TUT4: variants seen among roughly 807,000 people sequenced by gnomAD.
TUT4 encodes the protein terminal uridylyltransferase 4.
Under a neutral mutation model 192.2 loss-of-function variants are expected in TUT4, and 36 were observed. The observed-to-expected ratio is 0.19, with a 90% confidence interval of 0.14 to 0.25. The LOEUF (loss-of-function observed/expected upper bound fraction) is 0.25. TUT4 is among the 10% of genes least tolerant of loss of function. TUT4 has a pLI of 1.00. For missense variants in TUT4, 1,493 were observed against 1,957.2 expected, an observed-to-expected ratio of 0.76 and a Z score of 4.47; for synonymous variants, 618 against 666.0, an observed-to-expected ratio of 0.93 and a Z score of 1.11.
At position 52,458,402 on chromosome 1, in the gene TUT4, T is replaced by C. The variant is rs144466926; in HGVS notation, c.3369A>G (p.Ala1123=). The C allele has an allele frequency of 2.3e-4, 378 of 1,613,828 alleles. No individual in the cohort carries two copies. The highest frequency in any genetic ancestry group is 2.8e-4 in the Non-Finnish European group (335 of 1,179,942). Residue 1123 remains alanine (A), a synonymous_variant, in exon 20 of 30, where the codon GCA becomes GCG. Coordinates refer to ENST00000257177, the MANE Select transcript of TUT4 (RefSeq NM_001009881.3). ...GAAAGTACAGCACCATAAGGATATA[T>C]GCATATGAAGATAAACTTCCCCTGG... ...DASRGSLSSY[A]YILMVLYFLQ...
In TUT4 at chr1:52,475,346, G is replaced by A. The variant is rs749101927; in HGVS notation, c.2213C>T (p.Ser738Leu). Reference protein sequence around the residue: ...GKISNKKPVKSNNMATNGCIL... With the variant: ...GKISNKKPVKLNNMATNGCIL... ...ACAACCATTGGTTGCCATATTGTTC[G>A]ACTTGACTGGTTTCTTATTGCTTAT... Residue 738 changes from serine to leucine, a missense_variant, in exon 13 of 30, where the codon TCG (serine) becomes TTG (leucine). By Grantham distance (145) the Ser-to-Leu change is moderately radical. Around this residue, in one of 7 missense-constraint regions of TUT4, gnomAD observed 245 missense variants for 218.4 expected, o/e 1.12. Coordinates refer to ENST00000257177, the MANE Select transcript of TUT4 (RefSeq NM_001009881.3). 15 of 1,613,890 alleles carry A rather than the reference G, an allele frequency of 9.3e-6. No individual in the cohort carries two copies. The highest frequency in any genetic ancestry group is 1.6e-4 in the Middle Eastern group (1 of 6,084).
chr1:52,475,525 T>C lies in TUT4; in HGVS notation c.2034A>G (p.Ser678=), dbSNP rs1169346129. The C allele has an allele frequency of 6.2e-7, 1 of 1,609,714 alleles. No homozygotes were observed. The highest frequency in any genetic ancestry group is 8.5e-7 in the Non-Finnish European group (1 of 1,177,876). ...KRRIAIEDPF[S]VKRNVARSLN... is the part of the protein sequence containing the mutation. ...AGCTCCGTGCAACATTCCTCTTGAC[T>C]GAAAATGGATCTAGCAAAAGAGAAA... The change falls in exon 13 of 30, where the codon TCA becomes TCG. Residue 678 remains serine (S), a synonymous_variant. Transcript: ENST00000257177.
chr1:52,441,445 T>TC (rs200979478), intron 24 of TUT4, among the ~76,000 whole-genome samples: 10,066 of 103,000 alleles, frequency 0.098, 1,291 homozygotes, highest in African/African-American at 0.4. Flanking sequence ...CTCGGCTAAA[T>TC]TTTTTTTTTT....
Position 52,435,416 on chromosome 1 carries a change from T to G in TUT4, c.4212A>C (p.Ser1404=), listed in dbSNP as rs1653434009. The G allele has an allele frequency of 6.2e-7, 1 of 1,614,066 alleles. No individual in the cohort carries two copies. Among genetic ancestry groups the G allele is most frequent in the African/African-American group, 1.3e-5 (1 of 74,928 alleles). ...NLVNAQQVAG[S]AQQQGDQSIR... ...TGGACTGATCACCCTGTTGCTGAGC[T>G]GAACCAGCCACCTGTTGAGCATTTA... is the stretch of plus-strand genomic sequence containing the variant. Residue 1404 remains serine, a synonymous_variant, in exon 27 of 30, where the codon TCA becomes TCC. Transcript: ENST00000257177.
intron 20 of TUT4, among the ~76,000 whole-genome samples, chr1:52,449,055 C>T (rs1406811212): frequency 6.6e-6 from 1 of 151,664 alleles, no homozygotes; most frequent in Non-Finnish European, 1.5e-5. Context: ...AGCACTAATG[C>T]TATACACTTT....
At chr1:52,497,239 T>C in intron 4 of TUT4, 56 bp from the exon 5 acceptor site, 1 of 1,467,836 alleles carries the variant, frequency 6.8e-7, no homozygotes, top group African/African-American at 1.4e-5. Context: ...ATTTTAATTG[T>C]TCTTATATTT....
Position 52,462,083 on chromosome 1 carries a change from T to C in TUT4, c.3070-314A>G, listed in dbSNP as rs80196070. The C allele has an allele frequency of 4.5e-3, 957 of 211,046 alleles. 6 individuals carry two copies. The East Asian group carries it at 0.05, about 11-fold the overall frequency. The allele number at this position is 211,046 out of a possible 1,614,324, so 13.1% of individuals were successfully genotyped here. ...GGAGAAGAATATGGTTTTCAATAAG[T>C]GAATAAACAACTAGAGGTGAGTTTG... On this transcript the variant is annotated intron_variant, in intron 16 of 29. Coordinates refer to ENST00000257177, the MANE Select transcript of TUT4 (RefSeq NM_001009881.3).
chr1:52,475,555 T>C lies in TUT4; in HGVS notation c.2024-20A>G, dbSNP rs1666858269. The C allele has an allele frequency of 5.1e-6, 8 of 1,575,798 alleles. No homozygotes were observed. Among genetic ancestry groups the C allele is most frequent in the South Asian group, 1.1e-5 (1 of 87,702 alleles). On this transcript the variant is annotated intron_variant, in intron 12 of 29. Transcript: ENST00000257177. The stretch of plus-strand genomic sequence containing the variant: ...ATGGATCTAGCAAAAGAGAAAATGG[T>C]AAATAGCTAAGTCTCTACTAACAAA...
At chr1:52,427,034 A>AGATAATAATACTATATAACAGGAACATG in intron 28 of TUT4, among the ~76,000 whole-genome samples, 1 of 152,310 alleles carries the variant, frequency 6.6e-6, no homozygotes, top group South Asian at 2.1e-4. Context: ...ATAGCTTATT[A>AGATAATAATACTATATAACAGGAACATG]GATAATAATA....
intron 16 of TUT4, among the ~76,000 whole-genome samples, chr1:52,464,259 T>A (rs11205961): frequency 0.09 from 13,679 of 152,144 alleles, 765 homozygotes; most frequent in East Asian, 0.21. Flanking sequence ...TTATTTATTT[T>A]TTTTTTAATT....
At chr1:52,515,435 A>G (rs1241603990) in intron 3 of TUT4, 2 of 179,926 alleles carry the variant, frequency 1.1e-5, no homozygotes, top group Non-Finnish European at 2.3e-5. Flanking sequence ...TTTGGTAGAC[A>G]TTTTATGCTT....
chr1:52,495,582 G>T (rs768369268), intron 5 of TUT4, 67 bp from the exon 6 acceptor site: 5 of 1,247,064 alleles, frequency 4.0e-6, no homozygotes, highest in South Asian at 1.3e-5. Context: ...AAAAAACAGC[G>T]ACGGGAAAAT....
chr1:52,547,940 C>T (rs1205756462), intron 1 of TUT4, among the ~76,000 whole-genome samples: 1 of 152,070 alleles, frequency 6.6e-6, no homozygotes, highest in Non-Finnish European at 1.5e-5. Flanking sequence ...GTTACACAAC[C>T]TTATAAATAT....
chr1:52,540,785 CT>C (rs1485801607), intron 1 of TUT4, among the ~76,000 whole-genome samples: 4 of 152,138 alleles, frequency 2.6e-5, no homozygotes, highest in Non-Finnish European at 4.4e-5. Flanking sequence ...AATTCTCAAA[CT>C]TTTTGGTCTC....
At chr1:52,543,455 T>A (rs1687238158) in intron 1 of TUT4, among the ~76,000 whole-genome samples, 1 of 151,500 alleles carries the variant, frequency 6.6e-6, no homozygotes, top group Non-Finnish European at 1.5e-5. Context: ...CAGAAACACA[T>A]TCTATGTCCA....
At chr1:52,442,079 G>C (rs1465062162) in intron 24 of TUT4, among the ~76,000 whole-genome samples, 1 of 147,628 alleles carries the variant, frequency 6.8e-6, no homozygotes, top group African/African-American at 2.6e-5. Context: ...AAGGCAGGAC[G>C]ATCACTTGAA....
At chr1:52,543,363 G>T (rs1687221750) in intron 1 of TUT4, among the ~76,000 whole-genome samples, 1 of 151,536 alleles carries the variant, frequency 6.6e-6, no homozygotes, top group African/African-American at 2.4e-5. Context: ...AAAGTACTAA[G>T]GAATTACATA....
chr1:52,469,840 G>A (rs1665211873), intron 14 of TUT4, among the ~76,000 whole-genome samples: 1 of 146,920 alleles, frequency 6.8e-6, no homozygotes, highest in South Asian at 2.2e-4. Context: ...GCAGTGAGCT[G>A]AGATGGCGCC....
chr1:52,490,725 T>C lies in TUT4; in HGVS notation c.1388+7A>G, dbSNP rs2149081265. ...TTTTTAAATATTTTATCTTCATTGTTACCAACCTTTTTCGATCTCTGCACA... is the reference window on the plus strand; with the variant it reads ...TTTTTAAATATTTTATCTTCATTGTCACCAACCTTTTTCGATCTCTGCACA... On this transcript the variant is annotated splice_region_variant and intron_variant, in intron 8 of 29. Coordinates refer to ENST00000257177, the MANE Select transcript of TUT4 (RefSeq NM_001009881.3). The C allele has an allele frequency of 1.2e-6, 2 of 1,605,252 alleles. No individual in the cohort carries two copies. The highest frequency in any genetic ancestry group is 1.7e-6 in the Non-Finnish European group (2 of 1,176,986).
Sources: gnomAD v4.1 joint callset for allele counts (sites outside exome capture counted in the v4.1 genomes callset) on GRCh38, gnomAD v4.1.1 for gene constraint, gnomAD v4.1.1 regional missense constraint, MANE v1.5 for transcripts, NCBI Gene and HGNC (gene_info 2026-07-23, HGNC 2026-07-21) for gene names.